SLC2A13: variants seen among roughly 807,000 people sequenced by gnomAD.
SLC2A13 encodes solute carrier family 2 member 13.
Under a neutral mutation model 64.4 loss-of-function variants are expected in SLC2A13, and 32 were observed. That is an observed-to-expected ratio of 0.50 (90% CI 0.37 to 0.67). The LOEUF (loss-of-function observed/expected upper bound fraction) is 0.67, where lower values mean the gene tolerates loss of function less well. Among genes scored for constraint, SLC2A13 ranks in the 30% least tolerant of loss-of-function variants. SLC2A13 has a pLI of 0.00. For missense variants in SLC2A13, 743 were observed against 829.2 expected, an observed-to-expected ratio of 0.90 and a Z score of 1.28; for synonymous variants, 338 against 327.1, an observed-to-expected ratio of 1.03 and a Z score of -0.36.
chr12:39,872,032 A>T (rs913325977), intron 4 of SLC2A13, 71 bp from the exon 5 acceptor site: 99 of 1,328,156 alleles, frequency 7.5e-5, no homozygotes, highest in Non-Finnish European at 8.9e-5. Flanking sequence ...TGATAGAAAA[A>T]GATGTATTCA....
chr12:40,014,128 T>C (rs140204255), intron 3 of SLC2A13, among the ~76,000 whole-genome samples: 1 of 152,328 alleles, frequency 6.6e-6, no homozygotes, highest in African/African-American at 2.4e-5. Flanking sequence ...ACCACATTAC[T>C]TTTAGTATAA....
At chr12:40,041,976 C>T (rs1948096898) in intron 2 of SLC2A13, among the ~76,000 whole-genome samples, 1 of 152,228 alleles carries the variant, frequency 6.6e-6, no homozygotes, top group African/African-American at 2.4e-5. Context: ...TCCTGGTCTA[C>T]ACTCTGCCTC....
At chr12:39,871,753 T>G in intron 5 of SLC2A13, 45 bp downstream of exon 5, 1 of 1,531,310 alleles carries the variant, frequency 6.5e-7, no homozygotes, top group Non-Finnish European at 8.8e-7. Flanking sequence ...CTTGAAGTTA[T>G]TAGGAAATAA....
intron 4 of SLC2A13, among the ~76,000 whole-genome samples, chr12:39,900,875 C>T (rs1260625786): frequency 3.9e-5 from 6 of 152,074 alleles, no homozygotes; most frequent in Non-Finnish European, 7.4e-5. Context: ...GATCCCGCAT[C>T]GCCAAGTCAA....
At chr12:39,975,063 A>C (rs1413437374) in intron 3 of SLC2A13, among the ~76,000 whole-genome samples, 6 of 152,206 alleles carry the variant, frequency 3.9e-5, no homozygotes, top group African/African-American at 1.4e-4. Context: ...TTACATGAGC[A>C]AATGCTTTTG....
chr12:39,902,038 T>A (rs1423110242), intron 4 of SLC2A13, among the ~76,000 whole-genome samples: 1 of 152,030 alleles, frequency 6.6e-6, no homozygotes, highest in African/African-American at 2.4e-5. Context: ...TCATGTCCTT[T>A]GTAGGGACAT....
chr12:39,987,037 G>A (rs944671720), intron 3 of SLC2A13, among the ~76,000 whole-genome samples: 1 of 152,056 alleles, frequency 6.6e-6, no homozygotes, highest in Non-Finnish European at 1.5e-5. Context: ...TAACAACCTG[G>A]TTTCCCCTTT....
At chr12:40,073,027 A>T (rs1938023639) in intron 1 of SLC2A13, among the ~76,000 whole-genome samples, 2 of 151,962 alleles carry the variant, frequency 1.3e-5, no homozygotes, top group African/African-American at 4.8e-5. Context: ...TGCTTTCATT[A>T]CTTTTTCTTT....
At position 39,756,859 on chromosome 12, in the gene SLC2A13, AAAATT is replaced by A. The variant is rs1252267218; in HGVS notation, c.*3162_*3166del. 7 of 151,754 alleles carry A rather than the reference AAAATT, an allele frequency of 4.6e-5. No individual in the cohort carries two copies. The highest frequency in any genetic ancestry group is 8.9e-5 in the Non-Finnish European group (6 of 67,696). The allele number at this position is 151,754 out of a possible 1,614,324, so 9.4% of individuals were successfully genotyped here. On this transcript the variant is annotated 3_prime_UTR_variant, in exon 10 of 10. Coordinates refer to ENST00000280871, the MANE Select transcript of SLC2A13 (RefSeq NM_052885.4). ...ATGTACTAAAATCAGGTTCAGTGGT[AAAATT>A]AAATTATGAAAAAATAGTCGGTATT...
intron 9 of SLC2A13, among the ~76,000 whole-genome samples, chr12:39,760,547 T>A (rs903367289): frequency 2.0e-5 from 3 of 152,048 alleles, no homozygotes; most frequent in Non-Finnish European, 4.4e-5. Context: ...ATTATTCTCT[T>A]CCATGTGCTA....
chr12:39,934,442 G>C (rs1343903215), intron 4 of SLC2A13, among the ~76,000 whole-genome samples: 1 of 152,242 alleles, frequency 6.6e-6, no homozygotes, highest in African/African-American at 2.4e-5. Flanking sequence ...CAGGGAACGG[G>C]AGAGGACCTA....
chr12:39,809,054 G>T (rs1272243208), intron 7 of SLC2A13, among the ~76,000 whole-genome samples: 1 of 151,990 alleles, frequency 6.6e-6, no homozygotes, highest in African/African-American at 2.4e-5. Context: ...TTACTATTAG[G>T]TCTATGATGT....
chr12:40,063,955 A>C (rs1462238270), intron 1 of SLC2A13, among the ~76,000 whole-genome samples: 1 of 152,128 alleles, frequency 6.6e-6, no homozygotes, highest in Non-Finnish European at 1.5e-5. Flanking sequence ...AAAATATAAA[A>C]TATATGGCCA....
chr12:39,912,393 A>G (rs1945446235), intron 4 of SLC2A13, among the ~76,000 whole-genome samples: 1 of 152,064 alleles, frequency 6.6e-6, no homozygotes, highest in South Asian at 2.1e-4. Flanking sequence ...TTCCCAGCCA[A>G]ATCCCAGAGA....
intron 4 of SLC2A13, among the ~76,000 whole-genome samples, chr12:39,902,405 T>C (rs1945150943): frequency 1.3e-5 from 2 of 151,986 alleles, no homozygotes; most frequent in Non-Finnish European, 1.5e-5. Flanking sequence ...TGAAGAGAAC[T>C]ATTTTTAAAC....
chr12:40,073,549 A>AT (rs1232924540), intron 1 of SLC2A13, among the ~76,000 whole-genome samples: 3 of 151,942 alleles, frequency 2.0e-5, no homozygotes, highest in Non-Finnish European at 2.9e-5. Context: ...CTGACATATC[A>AT]TTTTTTACAT....
intron 4 of SLC2A13, among the ~76,000 whole-genome samples, chr12:39,948,555 A>C (rs1431487707): frequency 6.6e-6 from 1 of 152,150 alleles, no homozygotes; most frequent in Non-Finnish European, 1.5e-5. Context: ...CTTTTAATGT[A>C]TTTGTTTAAT....
intron 4 of SLC2A13, among the ~76,000 whole-genome samples, chr12:39,928,956 A>T (rs922525597): frequency 1.3e-5 from 2 of 152,052 alleles, no homozygotes; most frequent in African/African-American, 4.8e-5. Flanking sequence ...GCCTCCCCCA[A>T]CTCCACTGCC....
chr12:40,007,985 T>C (rs1171559599), intron 3 of SLC2A13, among the ~76,000 whole-genome samples: 1 of 152,288 alleles, frequency 6.6e-6, no homozygotes, highest in Non-Finnish European at 1.5e-5. Flanking sequence ...ATAAGCACTT[T>C]CTACTTCTGA....
Sources: allele counts gnomAD v4.1 joint callset (sites outside exome capture counted in the v4.1 genomes callset), GRCh38; gene constraint gnomAD v4.1.1; transcripts MANE v1.5; gene names NCBI Gene and HGNC (gene_info 2026-07-23, HGNC 2026-07-21).